Variants in ACSL3 observed in about 807,000 individuals in gnomAD.
ACSL3 encodes the protein fatty acid CoA ligase Acsl3.
In ACSL3, 34 loss-of-function variants were observed where a neutral mutation model predicts 84.7. That is an observed-to-expected ratio of 0.40 (90% CI 0.31 to 0.53). ACSL3 has a LOEUF of 0.53. ACSL3 is among the 20% of genes least tolerant of loss of function. The pLI is 0.48. For synonymous variants in ACSL3, 315 were observed against 299.4 expected (o/e 1.05, Z -0.54); for missense variants, 680 against 873.1 (o/e 0.78, Z 2.79).
At chr2:222,864,718 A>G (rs1260180723) in intron 1 of ACSL3, among the ~76,000 whole-genome samples, 1 of 152,142 alleles carries the variant, frequency 6.6e-6, no homozygotes, top group East Asian at 1.9e-4. Context: ...GGGAAGGCTC[A>G]GTGGAGAGGG....
intron 6 of ACSL3, among the ~76,000 whole-genome samples, 179 bp downstream of exon 6, chr2:222,918,334 T>C (rs1487185183): frequency 6.6e-6 from 1 of 152,200 alleles, no homozygotes; most frequent in Non-Finnish European, 1.5e-5. Flanking sequence ...TATATATTCA[T>C]GTATAAGTAA....
At position 222,942,341 on chromosome 2, in the gene ACSL3, T is replaced by G. The variant is rs1414281211; in HGVS notation, c.*687T>G. 5.3e-6 allele frequency: 1 copy of G among 189,044 alleles called. No homozygotes were observed. Among genetic ancestry groups the G allele is most frequent in the Non-Finnish European group, 1.1e-5 (1 of 89,560 alleles). 11.7% of individuals were successfully genotyped at this position (189,044 alleles called of 1,614,324 possible). On this transcript the variant is annotated 3_prime_UTR_variant, in exon 17 of 17. Transcript: ENST00000357430. ...AAAATAGCAAGAGAGGGTTATAGTT[T>G]AATAGTAAGGGAGATAACACAGCAT...
intron 2 of ACSL3, among the ~76,000 whole-genome samples, chr2:222,894,208 T>C (rs577305566): frequency 1.3e-5 from 2 of 152,222 alleles, no homozygotes; most frequent in South Asian, 4.1e-4. Flanking sequence ...TTACATTTGT[T>C]TCATAACACA....
At chr2:222,876,639 A>C (rs1446242398) in intron 1 of ACSL3, among the ~76,000 whole-genome samples, 1 of 152,150 alleles carries the variant, frequency 6.6e-6, no homozygotes, top group African/African-American at 2.4e-5. Flanking sequence ...ATGACTTTAA[A>C]ATATTTTCTT....
intron 4 of ACSL3, among the ~76,000 whole-genome samples, chr2:222,913,917 T>C (rs1696506395): frequency 1.3e-5 from 2 of 152,192 alleles, no homozygotes; most frequent in Non-Finnish European, 2.9e-5. Flanking sequence ...GCCGTGTCCT[T>C]AGCATGTAGT....
At chr2:222,868,546 T>C (rs976261980) in intron 1 of ACSL3, among the ~76,000 whole-genome samples, 1 of 152,214 alleles carries the variant, frequency 6.6e-6, no homozygotes, top group Non-Finnish European at 1.5e-5. Context: ...CTCAAGGAAA[T>C]GTGTGATGTT....
chr2:222,923,162 C>G lies in ACSL3; in HGVS notation c.1152+13C>G, dbSNP rs1696785660. 6 of 1,605,290 alleles carry G rather than the reference C, an allele frequency of 3.7e-6. No individual in the cohort carries two copies. Among genetic ancestry groups the G allele is most frequent in the Non-Finnish European group, 5.1e-6 (6 of 1,172,414 alleles). On this transcript the variant is annotated intron_variant, in intron 10 of 16. Transcript: ENST00000357430. ...GGCAGCAGTTCCGGTAAGAAGTGAC[C>G]CTTATTTAATATTGAGTATTAAAGA...
At position 222,863,724 on chromosome 2, in the gene ACSL3, C is replaced by T. The variant is rs950770627; in HGVS notation, c.-207+2466C>T. On this transcript the variant is annotated intron_variant, in intron 1 of 16. Transcript: ENST00000357430. ...ACAGGGTCATTTAACTTAAAAGTCT[C>T]ATCATCTTAGGAGATCATTTTTTGA... Among the ~76,000 whole-genome samples the T allele has an allele frequency of 3.3e-5, 5 of 152,234 alleles. 1 individual carries two copies. Among genetic ancestry groups the T allele is most frequent in the African/African-American group, 4.8e-5 (2 of 41,538 alleles).
chr2:222,893,376 T>C (rs1197000582), intron 2 of ACSL3, among the ~76,000 whole-genome samples: 1 of 152,174 alleles, frequency 6.6e-6, no homozygotes, highest in Non-Finnish European at 1.5e-5. Flanking sequence ...TATAATACCA[T>C]TGTTGACTTC....
At chr2:222,924,662 A>T in intron 11 of ACSL3, 67 bp downstream of exon 11, 1 of 1,367,576 alleles carries the variant, frequency 7.3e-7, no homozygotes, top group Non-Finnish European at 1.0e-6. Flanking sequence ...TCACATTAAT[A>T]GCCCAATTAA....
At chr2:222,923,046 CTT>C (rs762419923) in intron 9 of ACSL3, 30 bp from the exon 10 acceptor site, 2 of 1,555,808 alleles carry the variant, frequency 1.3e-6, no homozygotes, top group East Asian at 4.5e-5. Context: ...ATAAGGATCA[CTT>C]TATATGGATC....
intron 2 of ACSL3, among the ~76,000 whole-genome samples, chr2:222,894,753 T>C (rs1695928943): frequency 6.6e-6 from 1 of 152,234 alleles, no homozygotes; most frequent in African/African-American, 2.4e-5. Context: ...TTCTTCTCAG[T>C]TGGCAAGGTA....
At chr2:222,883,167 G>GTTTTTTTTT (rs71408541) in intron 1 of ACSL3, among the ~76,000 whole-genome samples, 39 of 135,802 alleles carry the variant, frequency 2.9e-4, no homozygotes, top group Middle Eastern at 4.0e-3. Context: ...TTTGCTTTCT[G>GTTTTTTTTT]TTTTTTTTTT....
chr2:222,909,120 A>G lies in ACSL3; in HGVS notation c.348A>G (p.Glu116=). The change falls in exon 4 of 17, where the codon GAA becomes GAG. Residue 116 remains glutamate, a synonymous_variant. Coordinates refer to ENST00000357430, the MANE Select transcript of ACSL3 (RefSeq NM_004457.5). The part of the protein sequence containing the change: ...GTREVLNEED[E]VQPNGKIFKK... ...GTGAAGTTTTAAATGAGGAAGATGAAGTACAACCAAATGGAAAAATTTTTA... is the reference window on the plus strand; with the variant it reads ...GTGAAGTTTTAAATGAGGAAGATGAGGTACAACCAAATGGAAAAATTTTTA... 6.3e-7 allele frequency: 1 copy of G among 1,597,262 alleles called. No individual in the cohort carries two copies. The highest frequency in any genetic ancestry group is 8.5e-7 in the Non-Finnish European group (1 of 1,176,328).
At chr2:222,869,131 C>A (rs543853557) in intron 1 of ACSL3, among the ~76,000 whole-genome samples, 2 of 152,090 alleles carry the variant, frequency 1.3e-5, no homozygotes, top group African/African-American at 4.8e-5. Flanking sequence ...GATAATGATT[C>A]AGATGGTGTT....
rs1697082345 is a variant in ACSL3 at position 222,933,369 on chromosome 2, G to T, written c.1847+89G>T. 9.8e-6 allele frequency: 9 copies of T among 915,858 alleles called. 1 individual carries two copies. Among genetic ancestry groups the T allele is most frequent in the Non-Finnish European group, 1.5e-5 (9 of 612,390 alleles). 56.7% of individuals were successfully genotyped at this position (915,858 alleles called of 1,614,324 possible). ...CTGTATGGACCTTCTTTGTAAAAAT[G>T]TTCCGAGAACTCTTCCTATCTGTTA... On this transcript the variant is annotated intron_variant, in intron 15 of 16. Transcript: ENST00000357430.
intron 14 of ACSL3, among the ~76,000 whole-genome samples, chr2:222,932,335 C>T (rs1284918006): frequency 6.6e-6 from 1 of 152,100 alleles, no homozygotes; most frequent in Non-Finnish European, 1.5e-5. Flanking sequence ...GTTTTTCTTT[C>T]TTTCTTTTTT....
At chr2:222,924,724 T>A in intron 11 of ACSL3, 129 bp downstream of exon 11, 6 of 1,118,832 alleles carry the variant, frequency 5.4e-6, no homozygotes, top group South Asian at 1.8e-5. Flanking sequence ...GAGAACTCTT[T>A]AAAAAAAATC....
At chr2:222,864,815 T>C (rs920373894) in intron 1 of ACSL3, among the ~76,000 whole-genome samples, 4 of 152,170 alleles carry the variant, frequency 2.6e-5, no homozygotes, top group Admixed American at 2.6e-4. Flanking sequence ...AACTGAGGCC[T>C]GTGTCTTTGC....
Sources: gnomAD v4.1 joint callset for allele counts (sites outside exome capture counted in the v4.1 genomes callset) on GRCh38, gnomAD v4.1.1 for gene constraint, MANE v1.5 for transcripts, NCBI Gene and HGNC (gene_info 2026-07-23, HGNC 2026-07-21) for gene names.